SGCZ: variants seen among roughly 807,000 people sequenced by gnomAD.
The protein encoded by SGCZ is sarcoglycan zeta, also known as zeta-sarcoglycan.
Under a neutral mutation model 41.3 loss-of-function variants are expected in SGCZ, and 40 were observed. That is an observed-to-expected ratio of 0.97 (90% CI 0.75 to 1.26). The LOEUF (loss-of-function observed/expected upper bound fraction) is 1.26, where lower values mean the gene tolerates loss of function less well. Among genes scored for constraint, SGCZ ranks in the 50% most tolerant of loss-of-function variants. SGCZ has a pLI of 0.00. For synonymous variants in SGCZ, 206 were observed against 137.5 expected (o/e 1.50, Z -3.49); for missense variants, 552 against 369.8 (o/e 1.49, Z -4.04).
At chr8:14,546,902 G>A (rs1321539675) in intron 2 of SGCZ, among the ~76,000 whole-genome samples, 1 of 151,950 alleles carries the variant, frequency 6.6e-6, no homozygotes, top group African/African-American at 2.4e-5. Flanking sequence ...TGTGACCTTG[G>A]GAAGTTTATT....
chr8:14,250,604 TG>T (rs1380748732), intron 3 of SGCZ, among the ~76,000 whole-genome samples: 3 of 152,172 alleles, frequency 2.0e-5, no homozygotes, highest in African/African-American at 7.2e-5. Context: ...TCCATATATC[TG>T]CATGGATCAG....
intron 1 of SGCZ, among the ~76,000 whole-genome samples, chr8:14,971,689 C>T (rs548821149): frequency 5.9e-5 from 8 of 136,410 alleles, no homozygotes; most frequent in East Asian, 2.1e-4. Context: ...CCTGCTCTGT[C>T]GCCAGGCTGG....
At chr8:14,583,504 G>A (rs1804962153) in intron 1 of SGCZ, among the ~76,000 whole-genome samples, 1 of 151,888 alleles carries the variant, frequency 6.6e-6, no homozygotes, top group South Asian at 2.1e-4. Flanking sequence ...AAGCTCTTTA[G>A]TTTAATTAGA....
chr8:14,725,086 A>T (rs1245982703), intron 1 of SGCZ, among the ~76,000 whole-genome samples: 2 of 152,182 alleles, frequency 1.3e-5, no homozygotes, highest in East Asian at 3.9e-4. Context: ...CATATGAGTG[A>T]GAACACACAG....
intron 1 of SGCZ, among the ~76,000 whole-genome samples, chr8:14,620,504 C>A (rs1382039513): frequency 6.6e-6 from 1 of 151,998 alleles, no homozygotes; most frequent in Admixed American, 6.6e-5. Flanking sequence ...GAACAGGCAA[C>A]CTACAGAATG....
chr8:14,432,914 C>CAAAAAAAAAAAAA (rs767979164), intron 2 of SGCZ, among the ~76,000 whole-genome samples: 1 of 75,632 alleles, frequency 1.3e-5, no homozygotes, highest in African/African-American at 6.2e-5. Context: ...ACTGTGTCTC[C>CAAAAAAAAAAAAA]AAAAAAAAAA....
chr8:14,895,600 A>C (rs1439866940), intron 1 of SGCZ, among the ~76,000 whole-genome samples: 2 of 152,192 alleles, frequency 1.3e-5, no homozygotes, highest in Non-Finnish European at 2.9e-5. Context: ...AAGTGGTATT[A>C]CCTCTTCATA....
chr8:14,313,951 T>A (rs1000316203), intron 3 of SGCZ, among the ~76,000 whole-genome samples: 1 of 142,082 alleles, frequency 7.0e-6, no homozygotes, highest in Non-Finnish European at 1.5e-5. Flanking sequence ...TGTGTGTGTG[T>A]GTGTTGGTGG....
chr8:15,008,563 G>GGGGA (rs1802694872), intron 1 of SGCZ, among the ~76,000 whole-genome samples: 1 of 58,792 alleles, frequency 1.7e-5, no homozygotes, highest in East Asian at 4.9e-4. Context: ...GAGGGAGGGA[G>GGGGA]GGAGGGAGGG....
intron 3 of SGCZ, among the ~76,000 whole-genome samples, chr8:14,248,429 C>T (rs1383021218): frequency 6.6e-6 from 1 of 151,948 alleles, no homozygotes; most frequent in Non-Finnish European, 1.5e-5. Context: ...ATACACAGTT[C>T]ATGTTATATG....
intron 1 of SGCZ, among the ~76,000 whole-genome samples, chr8:15,085,878 C>A (rs538077621): frequency 2.2e-4 from 34 of 152,306 alleles, no homozygotes; most frequent in African/African-American, 7.9e-4. Flanking sequence ...TCCCACCTAT[C>A]ATCACCTACC....
At chr8:14,157,347 TGTGTGTGTGTGTGTGTGA>T (rs984769500) in intron 5 of SGCZ, among the ~76,000 whole-genome samples, 5 of 129,352 alleles carry the variant, frequency 3.9e-5, no homozygotes, top group Admixed American at 8.3e-5. Context: ...TGTGTGTGTG[TGTGTGTGTGTGTGTGTGA>T]GTGTGTGTGT....
intron 1 of SGCZ, among the ~76,000 whole-genome samples, chr8:14,621,738 C>A (rs1163864074): frequency 6.6e-6 from 1 of 152,008 alleles, no homozygotes; most frequent in East Asian, 1.9e-4. Context: ...AGGAAGACAG[C>A]ATGGGGGAAA....
intron 1 of SGCZ, among the ~76,000 whole-genome samples, chr8:14,699,916 A>G (rs1021133410): frequency 2.6e-5 from 4 of 152,040 alleles, no homozygotes; most frequent in Admixed American, 6.6e-5. Context: ...ACCACCTCAC[A>G]CTAGTCAAAA....
chr8:14,211,554 CAGGCTTAAAAGG>C (rs1199617204), intron 4 of SGCZ, among the ~76,000 whole-genome samples: 3 of 152,104 alleles, frequency 2.0e-5, no homozygotes, highest in Non-Finnish European at 4.4e-5. Flanking sequence ...CACAGTTCCC[CAGGCTTAAAAGG>C]AAGCATTTTA....
intron 4 of SGCZ, among the ~76,000 whole-genome samples, chr8:14,210,635 T>C (rs1388299660): frequency 6.6e-6 from 1 of 151,806 alleles, no homozygotes; most frequent in Non-Finnish European, 1.5e-5. Context: ...GCTAAATTTT[T>C]TGTATTTTTT....
intron 3 of SGCZ, among the ~76,000 whole-genome samples, chr8:14,245,462 T>G (rs1469658048): frequency 1.3e-5 from 2 of 152,172 alleles, no homozygotes; most frequent in African/African-American, 4.8e-5. Context: ...GATTAAAGAC[T>G]TAAACGTTAG....
intron 3 of SGCZ, among the ~76,000 whole-genome samples, chr8:14,314,504 T>C (rs1287875057): frequency 6.6e-6 from 1 of 152,196 alleles, no homozygotes; most frequent in East Asian, 1.9e-4. Flanking sequence ...GTTGCATGAT[T>C]TGAGGCAACT....
intron 3 of SGCZ, among the ~76,000 whole-genome samples, chr8:14,285,223 T>A (rs1479527974): frequency 6.6e-6 from 1 of 152,170 alleles, no homozygotes; most frequent in Non-Finnish European, 1.5e-5. Flanking sequence ...ATGTGTCATT[T>A]CATTCATTCT....
Sources: allele counts gnomAD v4.1 joint callset (sites outside exome capture counted in the v4.1 genomes callset), GRCh38; gene constraint gnomAD v4.1.1; transcripts MANE v1.5; gene names NCBI Gene and HGNC (gene_info 2026-07-23, HGNC 2026-07-21).